The following GALNTL6 variants were observed in gnomAD, a reference collection of about 807,000 sequenced individuals.
The protein encoded by GALNTL6 is polypeptide N-acetylgalactosaminyltransferase like 6.
GALNTL6 carries 46 observed loss-of-function variants against 73.7 expected under a neutral mutation model. That is an observed-to-expected ratio of 0.62 (90% CI 0.49 to 0.80). The LOEUF (loss-of-function observed/expected upper bound fraction) is 0.80, where lower values mean the gene tolerates loss of function less well. Ranked by LOEUF, GALNTL6 falls within the 30% of genes least tolerant of loss-of-function variation. GALNTL6 has a pLI of 0.00. For synonymous variants in GALNTL6, 259 were observed against 263.7 expected, an observed-to-expected ratio of 0.98 and a Z score of 0.17; for missense variants, 604 against 755.0, an observed-to-expected ratio of 0.80 and a Z score of 2.34.
intron 5 of GALNTL6, among the ~76,000 whole-genome samples, chr4:172,488,923 TC>T (rs1369309027): frequency 6.6e-6 from 1 of 152,120 alleles, no homozygotes; most frequent in African/African-American, 2.4e-5. Context: ...TAGGACATGA[TC>T]TAGCAACACT....
At chr4:172,605,000 A>G (rs2111032984) in intron 5 of GALNTL6, among the ~76,000 whole-genome samples, 1 of 152,342 alleles carries the variant, frequency 6.6e-6, no homozygotes, top group East Asian at 1.9e-4. Context: ...CTGACATTGA[A>G]GGAGCACCTC....
chr4:172,898,991 A>G (rs1430089108), intron 8 of GALNTL6, among the ~76,000 whole-genome samples: 2 of 152,178 alleles, frequency 1.3e-5, no homozygotes, highest in African/African-American at 4.8e-5. Flanking sequence ...TTACTGGTGC[A>G]TGCAGCCCCC....
intron 11 of GALNTL6, among the ~76,000 whole-genome samples, chr4:173,011,522 T>C (rs976020971): frequency 6.6e-6 from 1 of 152,214 alleles, no homozygotes; most frequent in African/African-American, 2.4e-5. Flanking sequence ...CATTTTAATT[T>C]GATTTTTGTA....
intron 5 of GALNTL6, among the ~76,000 whole-genome samples, chr4:172,636,433 G>A (rs1452018273): frequency 6.6e-6 from 1 of 152,174 alleles, no homozygotes; most frequent in Non-Finnish European, 1.5e-5. Context: ...ATTTAGTTAA[G>A]GATCTTCAGA....
At chr4:172,122,235 C>T (rs1733172272) in intron 2 of GALNTL6, among the ~76,000 whole-genome samples, 1 of 151,792 alleles carries the variant, frequency 6.6e-6, no homozygotes, top group Non-Finnish European at 1.5e-5. Flanking sequence ...AGTCAAGTTA[C>T]CAGCAGAAGC....
At chr4:172,073,183 G>A (rs1385022249) in intron 2 of GALNTL6, among the ~76,000 whole-genome samples, 2 of 152,000 alleles carry the variant, frequency 1.3e-5, no homozygotes, top group African/African-American at 4.8e-5. Context: ...TTTTCATAGA[G>A]AACTTTCCCA....
At chr4:172,498,763 G>A (rs1376478953) in intron 5 of GALNTL6, among the ~76,000 whole-genome samples, 1 of 152,078 alleles carries the variant, frequency 6.6e-6, no homozygotes, top group Non-Finnish European at 1.5e-5. Flanking sequence ...TGATCAACTC[G>A]ATGTATGATG....
intron 5 of GALNTL6, among the ~76,000 whole-genome samples, chr4:172,418,202 T>C (rs2111356135): frequency 6.6e-6 from 1 of 152,322 alleles, no homozygotes; most frequent in South Asian, 2.1e-4. Context: ...ATTTAAAAAG[T>C]AAAACTTTTT....
intron 5 of GALNTL6, among the ~76,000 whole-genome samples, chr4:172,377,556 A>T (rs1743079039): frequency 6.6e-6 from 1 of 152,134 alleles, no homozygotes; most frequent in Non-Finnish European, 1.5e-5. Context: ...GCCCTTGGGC[A>T]GTCGATGGGA....
At chr4:172,468,313 A>G (rs1732915940) in intron 5 of GALNTL6, among the ~76,000 whole-genome samples, 1 of 152,162 alleles carries the variant, frequency 6.6e-6, no homozygotes, top group East Asian at 1.9e-4. Context: ...GTTTCTTTCC[A>G]TAATGCTAGG....
chr4:171,863,970 C>A (rs1735904443), intron 2 of GALNTL6, among the ~76,000 whole-genome samples: 2 of 151,986 alleles, frequency 1.3e-5, no homozygotes, highest in Non-Finnish European at 2.9e-5. Flanking sequence ...CCATGTTGGC[C>A]AGGCTGGTCT....
chr4:172,921,294 A>T (rs1747777531), intron 8 of GALNTL6, among the ~76,000 whole-genome samples: 1 of 151,534 alleles, frequency 6.6e-6, no homozygotes, highest in Non-Finnish European at 1.5e-5. Context: ...CTTATACCTG[A>T]TCATAGTGCT....
At chr4:172,969,574 G>C (rs1380223981) in intron 10 of GALNTL6, among the ~76,000 whole-genome samples, 2 of 152,122 alleles carry the variant, frequency 1.3e-5, no homozygotes, top group Non-Finnish European at 2.9e-5. Flanking sequence ...TAGCATCCAA[G>C]CAAAGAATGA....
At chr4:172,847,748 T>C (rs1743590994) in intron 7 of GALNTL6, among the ~76,000 whole-genome samples, 1 of 152,200 alleles carries the variant, frequency 6.6e-6, no homozygotes, top group Non-Finnish European at 1.5e-5. Flanking sequence ...AATCTTCACA[T>C]AAGTATCTTT....
intron 2 of GALNTL6, among the ~76,000 whole-genome samples, chr4:172,057,757 T>TATATATATAA (rs1491338494): frequency 2.0e-4 from 27 of 132,106 alleles, no homozygotes; most frequent in Middle Eastern, 3.9e-3. Context: ...TATATATATA[T>TATATATATAA]AAATCAAGTT....
intron 8 of GALNTL6, among the ~76,000 whole-genome samples, chr4:172,914,152 T>A (rs1407399120): frequency 6.6e-6 from 1 of 152,148 alleles, no homozygotes; most frequent in African/African-American, 2.4e-5. Context: ...CAAACTAGGC[T>A]TCATAAGTGA....
chr4:173,031,699 A>G (rs1200166281), intron 12 of GALNTL6, among the ~76,000 whole-genome samples: 1 of 152,218 alleles, frequency 6.6e-6, no homozygotes, highest in Non-Finnish European at 1.5e-5. Context: ...TTTGACAAAT[A>G]GTAGCTATTA....
chr4:172,507,411 G>A lies in GALNTL6; in HGVS notation c.553+158722G>A, dbSNP rs534553756. Among the ~76,000 whole-genome samples, 145 of 54,100 alleles carry A rather than the reference G, an allele frequency of 2.7e-3. 58 individuals are homozygous for A. Among genetic ancestry groups the A allele is most frequent in the African/African-American group, 6.3e-3 (136 of 21,610 alleles). 35.5% of individuals were successfully genotyped at this position (54,100 alleles called of 152,430 possible). ...ACTGGGAGGCAGAAGGGCAGAAGAA[G>A]GTCGGGAAAAAACCTCTGAGGCTGT... On this transcript the variant is annotated intron_variant, in intron 5 of 12. Transcript: ENST00000506823.
At chr4:172,723,636 G>A (rs1429543623) in intron 5 of GALNTL6, among the ~76,000 whole-genome samples, 2 of 152,076 alleles carry the variant, frequency 1.3e-5, no homozygotes, top group East Asian at 3.9e-4. Context: ...AATGGCTAAT[G>A]TGTTGCATCA....
Sources: gnomAD v4.1 joint callset for allele counts (sites outside exome capture counted in the v4.1 genomes callset) on GRCh38, gnomAD v4.1.1 for gene constraint, MANE v1.5 for transcripts, NCBI Gene and HGNC (gene_info 2026-07-23, HGNC 2026-07-21) for gene names.